STOML3: variants seen among roughly 807,000 people sequenced by gnomAD.
STOML3 encodes stomatin-like protein 3.
Under a neutral mutation model 29.5 loss-of-function variants are expected in STOML3, and 31 were observed. That is an observed-to-expected ratio of 1.05 (90% CI 0.79 to 1.42). STOML3 has a LOEUF of 1.42. Among genes scored for constraint, STOML3 ranks in the 40% most tolerant of loss-of-function variants. The pLI, the probability that STOML3 is intolerant of heterozygous loss-of-function variation, is 0.00. For missense variants in STOML3, 380 were observed against 363.0 expected (o/e 1.05, Z -0.38); for synonymous variants, 122 against 139.8 (o/e 0.87, Z 0.90).
intron 1 of STOML3, among the ~76,000 whole-genome samples, chr13:38,983,832 T>C (rs1881349416): frequency 6.6e-6 from 1 of 152,222 alleles, no homozygotes; most frequent in Admixed American, 6.5e-5. Flanking sequence ...TATGTTCCCT[T>C]TTACCATTTG....
Position 38,970,299 on chromosome 13 carries a change from G to A in STOML3, c.402C>T (p.Asn134=), listed in dbSNP as rs370139117. The A allele has an allele frequency of 2.9e-5, 47 of 1,614,142 alleles. No homozygotes were observed. The highest frequency in any genetic ancestry group is 2.7e-4 in the Admixed American group (16 of 60,026). The change falls in exon 5 of 7, where the codon AAC becomes AAT. Residue 134 remains asparagine, a synonymous_variant. Coordinates refer to ENST00000379631, the MANE Select transcript of STOML3 (RefSeq NM_145286.3). The stretch of plus-strand genomic sequence containing the variant: ...GCAGAAATGTTGCTTGATGGACATC[G>A]TTGACATTAGCCACTGCTGAGACAG... ...YSAVSAVANV[N]DVHQATFLLA...
At chr13:38,968,795 T>A (rs530473006) in intron 5 of STOML3, among the ~76,000 whole-genome samples, 1 of 152,260 alleles carries the variant, frequency 6.6e-6, no homozygotes, top group African/African-American at 2.4e-5. Flanking sequence ...CAGCAGGATC[T>A]ACCCCAAAAC....
At chr13:38,968,119 C>T (rs1356827108) in intron 6 of STOML3, among the ~76,000 whole-genome samples, 5 of 152,112 alleles carry the variant, frequency 3.3e-5, no homozygotes, top group Admixed American at 2.6e-4. Context: ...AAATTCTCCC[C>T]AGGGAACACT....
chr13:38,966,951 C>T lies in STOML3; in HGVS notation c.750G>A (p.Leu250=). 1 of 1,613,960 alleles carries T rather than the reference C, an allele frequency of 6.2e-7. No homozygotes were observed. The highest frequency in any genetic ancestry group is 1.7e-5 in the Admixed American group (1 of 60,010). The change falls in exon 7 of 7, where the codon CTG becomes CTA. Residue 250 remains leucine (L), a synonymous_variant. Coordinates refer to ENST00000379631, the MANE Select transcript of STOML3 (RefSeq NM_145286.3). Reference sequence around the variant, plus strand: ...CGGTGGCTACCGTGCTCAAGGTCTGCAGGTAGCGCAGCTGGAGAGCTATGG... The same window carrying T: ...CGGTGGCTACCGTGCTCAAGGTCTGTAGGTAGCGCAGCTGGAGAGCTATGG... The part of the protein sequence containing the change: ...ESPIALQLRY[L]QTLSTVATEK...
At position 38,977,824 on chromosome 13, in the gene STOML3, C is replaced by T. The variant is rs1157460470; in HGVS notation, c.53-1027G>A. ...GCCCAGGCTGGAGTACAGTGGCGCG[C>T]TCTTGGCTCACTGCAAGCTCCGCCT... is the stretch of plus-strand genomic sequence containing the variant. On this transcript the variant is annotated intron_variant, in intron 1 of 6. Transcript: ENST00000379631. Among the ~76,000 whole-genome samples, 2 of 140,248 alleles carry T rather than the reference C, an allele frequency of 1.4e-5. 1 individual carries two copies. Among genetic ancestry groups the T allele is most frequent in the Middle Eastern group, 8.5e-3 (2 of 236 alleles). The allele number at this position is 140,248 out of a possible 152,430, so 92.0% of individuals were successfully genotyped here.
In STOML3 at chr13:38,967,047, G is replaced by A. The variant is rs145407293; in HGVS notation, c.654C>T (p.Val218=). Residue 218 remains valine, a splice_region_variant and synonymous_variant, in exon 7 of 7, where the codon GTC becomes GTT. Transcript: ENST00000379631. ...CATTCATTTCTCCTTCAGCTGCAAG[G>A]ACCTGAAATGACAGAAATAAAATCG... ...AEATREARAK[V]LAAEGEMNAS... is the part of the protein sequence containing the mutation. 6.8e-6 allele frequency: 11 copies of A among 1,611,726 alleles called. No individual in the cohort carries two copies. In the African/African-American group the frequency reaches 1.1e-4, roughly 16 times the overall value.
chr13:38,970,143 A>G (rs778886747), intron 5 of STOML3, 42 bp downstream of exon 5: 45 of 1,550,568 alleles, frequency 2.9e-5, no homozygotes, highest in Admixed American at 8.8e-5. Context: ...AATTAAAATT[A>G]ACAAGTTAAA....
At chr13:38,986,880 G>A (rs998425330) in intron 1 of STOML3, among the ~76,000 whole-genome samples, 2 of 152,146 alleles carry the variant, frequency 1.3e-5, no homozygotes, top group Non-Finnish European at 2.9e-5. Flanking sequence ...GCTTCTGGGG[G>A]TAGGGGCTAG....
Position 38,990,674 on chromosome 13 carries a change from G to A in STOML3, c.48C>T (p.Phe16=), listed in dbSNP as rs776459694. 15 of 1,613,744 alleles carry A rather than the reference G, an allele frequency of 9.3e-6. No homozygotes were observed. Among genetic ancestry groups the A allele is most frequent in the South Asian group, 7.7e-5 (7 of 91,060 alleles). The part of the protein sequence containing the change: ...SSPEKQDKEN[F]VGVNNKRLGV... ...AGACAGGAAAAAGGAACTTACCCAC[G>A]AAATTCTCTTTATCTTGCTTCTCAG... The change falls in exon 1 of 7, where the codon TTC becomes TTT. Residue 16 remains phenylalanine (F), a synonymous_variant. Coordinates refer to ENST00000379631, the MANE Select transcript of STOML3 (RefSeq NM_145286.3).
intron 1 of STOML3, among the ~76,000 whole-genome samples, chr13:38,979,353 A>C (rs1881195815): frequency 6.6e-6 from 1 of 152,180 alleles, no homozygotes; most frequent in Non-Finnish European, 1.5e-5. Flanking sequence ...TTGGAAAAAA[A>C]AATTCAAGTA....
chr13:38,987,359 C>T (rs1868621736), intron 1 of STOML3, among the ~76,000 whole-genome samples: 1 of 151,778 alleles, frequency 6.6e-6, no homozygotes, highest in Non-Finnish European at 1.5e-5. Context: ...CTGATTTCTA[C>T]AAAAAAATAC....
intron 1 of STOML3, among the ~76,000 whole-genome samples, chr13:38,984,352 A>C (rs1868424119): frequency 6.6e-6 from 1 of 152,044 alleles, no homozygotes; most frequent in Admixed American, 6.5e-5. Flanking sequence ...CCTCAGCTCA[A>C]ACATCCCCTT....
chr13:38,967,184 G>A (rs1226634488), intron 6 of STOML3, 135 bp from the exon 7 acceptor site: 29 of 763,818 alleles, frequency 3.8e-5, no homozygotes, highest in Non-Finnish European at 5.1e-5. Flanking sequence ...CTTCTTTGGC[G>A]AGGATAAGTT....
chr13:38,972,879 T>C (rs1180121767), intron 3 of STOML3, among the ~76,000 whole-genome samples: 1 of 152,130 alleles, frequency 6.6e-6, no homozygotes, highest in Non-Finnish European at 1.5e-5. Context: ...AAGTGTTTAA[T>C]TGGACATTAA....
chr13:38,970,200 G>A lies in STOML3; in HGVS notation c.501C>T (p.Ile167=), dbSNP rs140579140. 1,918 of 1,612,994 alleles carry A rather than the reference G, an allele frequency of 1.2e-3. 7 individuals are homozygous for A. Among genetic ancestry groups the A allele is most frequent in the Non-Finnish European group, 8.8e-4 (1,042 of 1,179,264 alleles). Reference sequence around the variant, plus strand: ...GTGTCTTTACCTGGATGCTATGGGCGATCTCTTCTCGTCCAGCTAAGATCT... The same window carrying A: ...GTGTCTTTACCTGGATGCTATGGGCAATCTCTTCTCGTCCAGCTAAGATCT... ...LSQILAGREE[I]AHSIQTLLDD... Residue 167 remains isoleucine (I), a synonymous_variant, in exon 5 of 7, where the codon ATC becomes ATT. Transcript: ENST00000379631.
In STOML3 at chr13:38,966,729, T is replaced by C; in HGVS notation, c.*96A>G. On this transcript the variant is annotated 3_prime_UTR_variant, in exon 7 of 7. Coordinates refer to ENST00000379631, the MANE Select transcript of STOML3 (RefSeq NM_145286.3). ...TTCCATCTATGGAGTTACTGTTACA[T>C]GAACAGTGTTGGAATTCTCACCGTT... 1 of 1,004,026 alleles carries C rather than the reference T, an allele frequency of 1.0e-6. No homozygotes were observed. The highest frequency in any genetic ancestry group is 1.5e-5 in the South Asian group (1 of 68,652). 62.2% of individuals were successfully genotyped at this position (1,004,026 alleles called of 1,614,324 possible).
At chr13:38,983,038 C>T (rs1211444551) in intron 1 of STOML3, among the ~76,000 whole-genome samples, 2 of 152,150 alleles carry the variant, frequency 1.3e-5, no homozygotes, top group Non-Finnish European at 2.9e-5. Context: ...CCCTATCCCT[C>T]TGTTACATGA....
intron 1 of STOML3, among the ~76,000 whole-genome samples, chr13:38,985,667 G>A (rs1222551803): frequency 6.6e-6 from 1 of 150,944 alleles, no homozygotes; most frequent in African/African-American, 2.4e-5. Context: ...AACAATGGAG[G>A]GATAATTAAG....
rs756217006 is a variant in STOML3, at chr13:38,990,743, T to C, written c.-22A>G. The C allele has an allele frequency of 3.1e-6, 5 of 1,612,692 alleles. No homozygotes were observed. The African/African-American group carries it at 6.7e-5, about 22-fold the overall frequency. ...CCATCTCATTCTTGAGAAGCTTTTA[T>C]ACTTGGCAATTTTTCATGGGTTTGG... is the stretch of plus-strand genomic sequence containing the variant. On this transcript the variant is annotated 5_prime_UTR_variant, in exon 1 of 7. Coordinates refer to ENST00000379631, the MANE Select transcript of STOML3 (RefSeq NM_145286.3).
Sources: allele counts gnomAD v4.1 joint callset (sites outside exome capture counted in the v4.1 genomes callset), GRCh38; gene constraint gnomAD v4.1.1; transcripts MANE v1.5; gene names NCBI Gene and HGNC (gene_info 2026-07-23, HGNC 2026-07-21).